Variants in NFKB2 observed in about 807,000 individuals in gnomAD.
The protein encoded by NFKB2 is nuclear factor kappa B subunit 2.
NFKB2 carries 21 observed loss-of-function variants against 109.3 expected under a neutral mutation model. The observed-to-expected ratio is 0.19, with a 90% CI of 0.14 to 0.28. The LOEUF (loss-of-function observed/expected upper bound fraction) is 0.28, where lower values mean the gene tolerates loss of function less well. Among genes scored for constraint, NFKB2 ranks in the 10% least tolerant of loss-of-function variants. The pLI, the probability that NFKB2 is intolerant of heterozygous loss-of-function variation, is 1.00. For synonymous variants in NFKB2, 478 were observed against 489.9 expected (o/e 0.98, Z 0.32); for missense variants, 806 against 1,185.3 (o/e 0.68, Z 4.70).
At chr10:102,399,840 G>C (rs983364936) in intron 14 of NFKB2, 122 bp downstream of exon 14, 24 of 1,383,470 alleles carry the variant, frequency 1.7e-5, no homozygotes, top group Non-Finnish European at 2.2e-5. Flanking sequence ...GTGTTCACAA[G>C]CTCTGTTCAA....
chr10:102,401,609 C>A lies in NFKB2; in HGVS notation c.2293+91C>A. The A allele has an allele frequency of 6.5e-7, 1 of 1,542,158 alleles. No homozygotes were observed. Among genetic ancestry groups the A allele is most frequent in the South Asian group, 1.2e-5 (1 of 86,914 alleles). ...GGACCTCTGAAGGAGGCCTCCCTTTCTCTACCCTCAGCCCCGTCCATCACC... is the reference window on the plus strand; with the variant it reads ...GGACCTCTGAAGGAGGCCTCCCTTTATCTACCCTCAGCCCCGTCCATCACC... On this transcript the variant is annotated intron_variant, in intron 20 of 22. Transcript: ENST00000661543. This position sits in a 1 kb window ranked among gnomAD's most constrained non-coding sequence, Gnocchi z 4.2.
In NFKB2 at chr10:102,397,746, C is replaced by T; in HGVS notation, c.661+61C>T. ...TGGCAGAGGTGGCATGAGGGGTGAC[C>T]TCAAGCTGTGCAGTCAAACAGACCC... is the stretch of plus-strand genomic sequence containing the variant. On this transcript the variant is annotated intron_variant, in intron 8 of 22. Coordinates refer to ENST00000661543, the MANE Select transcript of NFKB2 (RefSeq NM_001322934.2). The surrounding 1 kb of genome is among the most constrained non-coding windows in gnomAD (Gnocchi z 4.7). The T allele has an allele frequency of 6.4e-7, 1 of 1,564,634 alleles. No individual in the cohort carries two copies. The highest frequency in any genetic ancestry group is 8.7e-7 in the Non-Finnish European group (1 of 1,148,596).
rs779884219 is a variant in NFKB2 at position 102,395,945 on chromosome 10, G to C, written c.-15G>C. Reference sequence around the variant, plus strand: ...GGCCGGAGCCACTAGACAGAGCCGGGCCTAGCCCAGAGACATGGAGAGTTG... The same window carrying C: ...GGCCGGAGCCACTAGACAGAGCCGGCCCTAGCCCAGAGACATGGAGAGTTG... On this transcript the variant is annotated 5_prime_UTR_variant, in exon 2 of 23. Coordinates refer to ENST00000661543, the MANE Select transcript of NFKB2 (RefSeq NM_001322934.2). The C allele has an allele frequency of 3.1e-6, 5 of 1,612,668 alleles. No homozygotes were observed. Among genetic ancestry groups the C allele is most frequent in the Non-Finnish European group, 4.2e-6 (5 of 1,179,994 alleles).
Position 102,401,902 on chromosome 10 carries a change from C to G in NFKB2, c.2451C>G (p.Leu817=), listed in dbSNP as rs1360783359. The part of the protein sequence containing the change: ...YRQTTSPSGS[L]LRSYELAGGD... ...AGACAACCTCACCCAGTGGCAGCCT[C>G]CTGCGCAGCTACGAGGTGGGTTGGC... The change falls in exon 21 of 23, where the codon CTC becomes CTG. Residue 817 remains leucine, a synonymous_variant. Coordinates refer to ENST00000661543, the MANE Select transcript of NFKB2 (RefSeq NM_001322934.2). The surrounding 1 kb of genome is among the most constrained non-coding windows in gnomAD (Gnocchi z 4.2). The G allele has an allele frequency of 6.2e-7, 1 of 1,612,480 alleles. No homozygotes were observed. The highest frequency in any genetic ancestry group is 1.7e-5 in the Admixed American group (1 of 59,870).
In NFKB2 at chr10:102,399,669, C is replaced by T. The variant is rs1301488737; in HGVS notation, c.1420C>T (p.Leu474=). 1.3e-6 allele frequency: 2 copies of T among 1,527,428 alleles called. No individual in the cohort carries two copies. Among genetic ancestry groups the T allele is most frequent in the Non-Finnish European group, 1.8e-6 (2 of 1,135,586 alleles). The allele number at this position is 1,527,428 out of a possible 1,614,324, so 94.6% of individuals were successfully genotyped here. ...CGTCACCGCGGACGCGCGCGCGCTG[C>T]TGGCGGGACAGCGCCACCTGCTGAC... ...YGVTADARAL[L]AGQRHLLTAQ... The change falls in exon 14 of 23, where the codon CTG becomes TTG. Residue 474 remains leucine, a synonymous_variant. Transcript: ENST00000661543.
At chr10:102,399,938 C>A in intron 14 of NFKB2, 142 bp from the exon 15 acceptor site, 1 of 1,068,270 alleles carries the variant, frequency 9.4e-7, no homozygotes, top group Non-Finnish European at 1.4e-6. Context: ...TGCTGCGAAA[C>A]GTTAAGTGCA....
chr10:102,397,958 C>G lies in NFKB2; in HGVS notation c.662-23C>G, dbSNP rs558994002. ...GGCCTTGGCTATTGCATCATCTCAA[C>G]TAATCCATATCCCACTCCATAGAAT... On this transcript the variant is annotated intron_variant, in intron 8 of 22. Coordinates refer to ENST00000661543, the MANE Select transcript of NFKB2 (RefSeq NM_001322934.2). This position sits in a 1 kb window ranked among gnomAD's most constrained non-coding sequence, Gnocchi z 4.7. 1.9e-6 allele frequency: 3 copies of G among 1,611,530 alleles called. No individual in the cohort carries two copies. In the African/African-American group the frequency reaches 4.0e-5, roughly 21 times the overall value.
At position 102,396,612 on chromosome 10, in the gene NFKB2, G is replaced by A; in HGVS notation, c.145-113G>A. 6.4e-7 allele frequency: 1 copy of A among 1,561,604 alleles called. No homozygotes were observed. The highest frequency in any genetic ancestry group is 8.8e-7 in the Non-Finnish European group (1 of 1,136,406). On this transcript the variant is annotated intron_variant, in intron 4 of 22. Transcript: ENST00000661543. The surrounding 1 kb of genome is among the most constrained non-coding windows in gnomAD (Gnocchi z 5.9). ...GGCCACAGGGGATTGGATGGTCACT[G>A]CTGCTGATCAGAGTGCTGTAGTTTG...
Position 102,398,303 on chromosome 10 carries a change from C to G in NFKB2, c.852+6C>G. The G allele has an allele frequency of 6.2e-7, 1 of 1,614,094 alleles. No individual in the cohort carries two copies. The highest frequency in any genetic ancestry group is 8.5e-7 in the Non-Finnish European group (1 of 1,179,998). On this transcript the variant is annotated splice_donor_region_variant and intron_variant, in intron 10 of 22. Transcript: ENST00000661543. This position sits in a 1 kb window ranked among gnomAD's most constrained non-coding sequence, Gnocchi z 6.6. ...CCACAGATGTGCATAAACAGGTACCCAGGGCTAGGGCCCGGGCCCGGGCTG... is the reference window on the plus strand; with the variant it reads ...CCACAGATGTGCATAAACAGGTACCGAGGGCTAGGGCCCGGGCCCGGGCTG...
rs750474462 is a variant in NFKB2, at chr10:102,397,498, C to A, written c.503-29C>A. 2.5e-6 allele frequency: 4 copies of A among 1,609,354 alleles called. No homozygotes were observed. The African/African-American group carries it at 5.3e-5, about 22-fold the overall frequency. On this transcript the variant is annotated intron_variant, in intron 7 of 22. Coordinates refer to ENST00000661543, the MANE Select transcript of NFKB2 (RefSeq NM_001322934.2). The surrounding 1 kb of genome is among the most constrained non-coding windows in gnomAD (Gnocchi z 4.7). The stretch of plus-strand genomic sequence containing the variant: ...TGGAAGGAGCAGGGAGGGAGAAGCC[C>A]AGGGGTCACACATGTACCTACTGCC...
chr10:102,401,080 G>A lies in NFKB2; in HGVS notation c.2071+31G>A, dbSNP rs1277494902. The A allele has an allele frequency of 6.2e-7, 1 of 1,613,764 alleles. No individual in the cohort carries two copies. The highest frequency in any genetic ancestry group is 8.5e-7 in the Non-Finnish European group (1 of 1,179,740). On this transcript the variant is annotated intron_variant, in intron 18 of 22. Coordinates refer to ENST00000661543, the MANE Select transcript of NFKB2 (RefSeq NM_001322934.2). This position sits in a 1 kb window ranked among gnomAD's most constrained non-coding sequence, Gnocchi z 4.2. ...TCTCACCCTCAGGGGCACTTGAACA[G>A]GGTGGGGGGAAGGGAGAGAGGTGCC...
Position 102,396,898 on chromosome 10 carries a change from T to C in NFKB2, c.244-6T>C. 1 of 1,602,926 alleles carries C rather than the reference T, an allele frequency of 6.2e-7. No homozygotes were observed. Among genetic ancestry groups the C allele is most frequent in the Non-Finnish European group, 8.5e-7 (1 of 1,170,574 alleles). Reference sequence around the variant, plus strand: ...GGCCCTGACTGACAGTCCCTGCCTCTCCTAGATCTGTAACTACGAGGGACC... The same window carrying C: ...GGCCCTGACTGACAGTCCCTGCCTCCCCTAGATCTGTAACTACGAGGGACC... On this transcript the variant is annotated splice_polypyrimidine_tract_variant and splice_region_variant and intron_variant, in intron 5 of 22. Transcript: ENST00000661543. The surrounding 1 kb of genome is among the most constrained non-coding windows in gnomAD (Gnocchi z 5.9).
At position 102,401,168 on chromosome 10, in the gene NFKB2, T is replaced by A. The variant is rs576496282; in HGVS notation, c.2072-12T>A. 3.1e-6 allele frequency: 5 copies of A among 1,589,780 alleles called. No individual in the cohort carries two copies. Among genetic ancestry groups the A allele is most frequent in the Non-Finnish European group, 4.3e-6 (5 of 1,164,434 alleles). On this transcript the variant is annotated splice_polypyrimidine_tract_variant and intron_variant, in intron 18 of 22. Transcript: ENST00000661543. This position sits in a 1 kb window ranked among gnomAD's most constrained non-coding sequence, Gnocchi z 4.2. ...CCCACCATACCGCCCCATGACGGCC[T>A]CCCTCTCCCAGGTGCTGACATCCAT... is the stretch of plus-strand genomic sequence containing the variant.
rs1337105771 is a variant in NFKB2, at chr10:102,396,740, C to T, written c.160C>T (p.Arg54Ter). 1.2e-6 allele frequency: 2 copies of T among 1,612,310 alleles called. No individual in the cohort carries two copies. Among genetic ancestry groups the T allele is most frequent in the Admixed American group, 1.7e-5 (1 of 59,982 alleles). Residue 54 changes from arginine (R) to a stop codon, truncating the protein, a stop_gained, in exon 5 of 23, where the codon CGA becomes TGA. Transcript: ENST00000661543. LOFTEE classifies it high-confidence loss of function. This position sits in a 1 kb window ranked among gnomAD's most constrained non-coding sequence, Gnocchi z 5.9. ...EQPKQRGFRF[R>*]YGCEGPSHGG... Reference sequence around the variant, plus strand: ...GGACCTTCAGAGAGGCTTCCGATTTCGATATGGCTGTGAAGGCCCCTCCCA... The same window carrying T: ...GGACCTTCAGAGAGGCTTCCGATTTTGATATGGCTGTGAAGGCCCCTCCCA...
rs376651842 is a variant in NFKB2 at position 102,400,170 on chromosome 10, C to T, written c.1560C>T (p.Val520=). ...ACCACGCCCAGGACCTCGGCGTTGT[C>T]AACCTCACCAACCACCTGCACCAGG... The part of the protein sequence containing the change: ...VIHHAQDLGV[V]NLTNHLHQTP... The change falls in exon 15 of 23, where the codon GTC becomes GTT. Residue 520 remains valine (V), a synonymous_variant. Coordinates refer to ENST00000661543, the MANE Select transcript of NFKB2 (RefSeq NM_001322934.2). This position sits in a 1 kb window ranked among gnomAD's most constrained non-coding sequence, Gnocchi z 6.3. 2.5e-5 allele frequency: 40 copies of T among 1,614,064 alleles called. No homozygotes were observed. The highest frequency in any genetic ancestry group is 3.4e-5 in the Non-Finnish European group (40 of 1,180,016).
In NFKB2 at chr10:102,397,871, G is replaced by GT; in HGVS notation, c.662-107dup. Reference sequence around the variant, plus strand: ...TCTTTAGTAAATGTGTATATTGGGTGTTTCCTGCAGCTCCAGGGGTTGCTG... The same window carrying GT: ...TCTTTAGTAAATGTGTATATTGGGTGTTTTCCTGCAGCTCCAGGGGTTGCTG... On this transcript the variant is annotated intron_variant, in intron 8 of 22. Transcript: ENST00000661543. The surrounding 1 kb of genome is among the most constrained non-coding windows in gnomAD (Gnocchi z 4.7). The GT allele has an allele frequency of 1.6e-6, 2 of 1,289,906 alleles. No individual in the cohort carries two copies. The highest frequency in any genetic ancestry group is 2.2e-6 in the Non-Finnish European group (2 of 904,496). The allele number at this position is 1,289,906 out of a possible 1,614,324, so 79.9% of individuals were successfully genotyped here. A position where few individuals can be genotyped will look rare whatever the true frequency, so the allele number is the denominator to read the frequency against.
chr10:102,398,114 A>AG lies in NFKB2; in HGVS notation c.766+31dup. 1 of 1,611,960 alleles carries AG rather than the reference A, an allele frequency of 6.2e-7. No homozygotes were observed. The highest frequency in any genetic ancestry group is 8.5e-7 in the Non-Finnish European group (1 of 1,177,950). On this transcript the variant is annotated intron_variant, in intron 9 of 22. Coordinates refer to ENST00000661543, the MANE Select transcript of NFKB2 (RefSeq NM_001322934.2). The surrounding 1 kb of genome is among the most constrained non-coding windows in gnomAD (Gnocchi z 6.6). Reference sequence around the variant, plus strand: ...AGACTGGAGCCCACTTTGGGCACCAAGGACATCGAGTATAAGACTGGGGCC... The same window carrying AG: ...AGACTGGAGCCCACTTTGGGCACCAAGGGACATCGAGTATAAGACTGGGGCC...
At position 102,402,056 on chromosome 10, in the gene NFKB2, C is replaced by T. The variant is rs200482499; in HGVS notation, c.2475C>T (p.Gly825=). Residue 825 remains glycine, a synonymous_variant, in exon 22 of 23, where the codon GGC becomes GGT. Transcript: ENST00000661543. ...GSLLRSYELA[G]GDLAGLLEAL... The stretch of plus-strand genomic sequence containing the variant: ...TTCCTCTGTCTTCTCAGCTGGCTGG[C>T]GGGGACCTGGCAGGTCTACTGGAGG... 8.3e-5 allele frequency: 130 copies of T among 1,570,224 alleles called. 2 individuals are homozygous for T. In the South Asian group the frequency reaches 1.1e-3, roughly 14 times the overall value.
At position 102,400,204 on chromosome 10, in the gene NFKB2, C is replaced by T. The variant is rs1371555123; in HGVS notation, c.1584+10C>T. On this transcript the variant is annotated intron_variant, in intron 15 of 22. Coordinates refer to ENST00000661543, the MANE Select transcript of NFKB2 (RefSeq NM_001322934.2). The surrounding 1 kb of genome is among the most constrained non-coding windows in gnomAD (Gnocchi z 6.3). Reference sequence around the variant, plus strand: ...CAACCACCTGCACCAGGTGCGGGGGCGCCTACTGGGGAGGTGGGAGGGGTT... The same window carrying T: ...CAACCACCTGCACCAGGTGCGGGGGTGCCTACTGGGGAGGTGGGAGGGGTT... 16 of 1,613,940 alleles carry T rather than the reference C, an allele frequency of 9.9e-6. No individual in the cohort carries two copies. The highest frequency in any genetic ancestry group is 1.4e-5 in the Non-Finnish European group (16 of 1,179,902).
Sources: allele counts gnomAD v4.1 joint callset, GRCh38; gene constraint gnomAD v4.1.1; non-coding constraint Gnocchi (gnomAD v3.1); transcripts MANE v1.5; gene names NCBI Gene and HGNC (gene_info 2026-07-23, HGNC 2026-07-21).